CDH12: variants seen among roughly 807,000 people sequenced by gnomAD.
CDH12 encodes cadherin-12.
Under a neutral mutation model 74.1 loss-of-function variants are expected in CDH12, and 41 were observed. The observed-to-expected ratio is 0.55, with a 90% confidence interval of 0.43 to 0.72. The LOEUF (loss-of-function observed/expected upper bound fraction) is 0.72, where lower values mean the gene tolerates loss of function less well. Among genes scored for constraint, CDH12 ranks in the 30% least tolerant of loss-of-function variants. The probability of loss-of-function intolerance (pLI) is 0.00; values close to 1 mark genes in which losing one functional copy is unlikely to be tolerated. For synonymous variants in CDH12, 399 were observed against 355.0 expected, an observed-to-expected ratio of 1.12 and a Z score of -1.39; for missense variants, 945 against 977.2, an observed-to-expected ratio of 0.97 and a Z score of 0.44.
chr5:22,508,698 A>G (rs538980303), intron 1 of CDH12, among the ~76,000 whole-genome samples: 2 of 152,248 alleles, frequency 1.3e-5, no homozygotes, highest in South Asian at 2.1e-4. Context: ...GACAAACTCA[A>G]CTAATAGTCA....
At chr5:22,186,563 C>T (rs769340423) in intron 4 of CDH12, among the ~76,000 whole-genome samples, 4 of 152,120 alleles carry the variant, frequency 2.6e-5, no homozygotes, top group South Asian at 2.1e-4. Context: ...CTCTGCCTTC[C>T]GGGTTCAAGT....
At chr5:22,193,846 A>G (rs1750445984) in intron 4 of CDH12, among the ~76,000 whole-genome samples, 1 of 152,222 alleles carries the variant, frequency 6.6e-6, no homozygotes, top group Admixed American at 6.5e-5. Context: ...ATACTAGCTC[A>G]GTGATAGCCT....
chr5:22,069,160 C>G (rs182816927), intron 5 of CDH12, among the ~76,000 whole-genome samples: 1 of 152,158 alleles, frequency 6.6e-6, no homozygotes. Flanking sequence ...TTCCACACAG[C>G]ACTGCTTCTG....
Position 21,811,092 on chromosome 5 carries a change from A to G in CDH12, c.1002+5853T>C, listed in dbSNP as rs1176076390. 2.0e-5 allele frequency among the ~76,000 whole-genome samples: 3 copies of G among 152,104 alleles called. No homozygotes were observed. In the East Asian group the frequency reaches 5.8e-4, roughly 29 times the overall value. On this transcript the variant is annotated intron_variant, in intron 9 of 14. Coordinates refer to ENST00000382254, the MANE Select transcript of CDH12 (RefSeq NM_004061.5). Reference sequence around the variant, plus strand: ...TCATACGTTTTTAAGGAAAAAGAAAAATTCTGCTTTGGATTTAATGTGATC... The same window carrying G: ...TCATACGTTTTTAAGGAAAAAGAAAGATTCTGCTTTGGATTTAATGTGATC...
chr5:22,006,064 C>T (rs1310432968), intron 5 of CDH12, among the ~76,000 whole-genome samples: 2 of 152,202 alleles, frequency 1.3e-5, no homozygotes. Context: ...AGGCATCCCA[C>T]TGACCTGATT....
At chr5:22,410,130 G>A (rs1402778360) in intron 2 of CDH12, among the ~76,000 whole-genome samples, 2 of 152,108 alleles carry the variant, frequency 1.3e-5, no homozygotes, top group Middle Eastern at 3.4e-3. Context: ...ACCTCAAAAT[G>A]AAAGCCACAG....
chr5:22,780,795 T>A lies in CDH12; in HGVS notation c.-523+72263A>T, dbSNP rs370042003. ...GTTTCTCTCTTTTTTTTAAGTGTGATCTATAGACAAATATTTATTTATGAC... is the reference window on the plus strand; with the variant it reads ...GTTTCTCTCTTTTTTTTAAGTGTGAACTATAGACAAATATTTATTTATGAC... On this transcript the variant is annotated intron_variant, in intron 1 of 14. Coordinates refer to ENST00000382254, the MANE Select transcript of CDH12 (RefSeq NM_004061.5). 7.2e-4 allele frequency among the ~76,000 whole-genome samples: 110 copies of A among 152,272 alleles called. 4 individuals carry two copies. The South Asian group carries it at 0.022, about 30-fold the overall frequency.
At chr5:21,892,275 A>T (rs1247175102) in intron 6 of CDH12, among the ~76,000 whole-genome samples, 1 of 152,086 alleles carries the variant, frequency 6.6e-6, no homozygotes, top group East Asian at 1.9e-4. Context: ...AGTCATGTAG[A>T]TGTTCGGCAA....
At chr5:22,638,098 A>G (rs919742258) in intron 1 of CDH12, among the ~76,000 whole-genome samples, 1 of 152,366 alleles carries the variant, frequency 6.6e-6, no homozygotes, top group South Asian at 2.1e-4. Flanking sequence ...ACACTCATCT[A>G]GAAACTGAGA....
chr5:21,961,495 C>CA (rs542570517), intron 6 of CDH12, among the ~76,000 whole-genome samples: 11 of 151,606 alleles, frequency 7.3e-5, no homozygotes, highest in South Asian at 2.1e-4. Context: ...AATTGTCTGC[C>CA]AAAAAAAACA....
intron 1 of CDH12, among the ~76,000 whole-genome samples, chr5:22,687,120 C>A (rs371089641): frequency 6.6e-6 from 1 of 151,914 alleles, no homozygotes; most frequent in African/African-American, 2.4e-5. Flanking sequence ...ATGGTGAAAC[C>A]CCGTCTGTAC....
At chr5:22,244,796 G>GAAAGAAAGAAAGAA (rs1561251362) in intron 3 of CDH12, among the ~76,000 whole-genome samples, 1 of 108,718 alleles carries the variant, frequency 9.2e-6, no homozygotes, top group Non-Finnish European at 2.1e-5. Context: ...AAGAAAGAAA[G>GAAAGAAAGAAAGAA]AAAGAAAAAT....
At chr5:22,818,927 G>A (rs1749529304) in intron 1 of CDH12, among the ~76,000 whole-genome samples, 1 of 152,076 alleles carries the variant, frequency 6.6e-6, no homozygotes, top group Non-Finnish European at 1.5e-5. Flanking sequence ...TCTGTCAACT[G>A]GATGTAAATA....
At chr5:22,026,413 T>C (rs1276683732) in intron 5 of CDH12, among the ~76,000 whole-genome samples, 1 of 152,232 alleles carries the variant, frequency 6.6e-6, no homozygotes, top group East Asian at 1.9e-4. Flanking sequence ...CTGCTAACCC[T>C]TGGTTTCGTT....
intron 1 of CDH12, among the ~76,000 whole-genome samples, chr5:22,643,960 G>A (rs1240763188): frequency 6.6e-6 from 1 of 151,828 alleles, no homozygotes; most frequent in Non-Finnish European, 1.5e-5. Flanking sequence ...TGGTTTGGGG[G>A]TTGTATGAAC....
intron 1 of CDH12, among the ~76,000 whole-genome samples, chr5:22,650,650 GCCTGTTAACC>G (rs1475857896): frequency 6.6e-6 from 1 of 152,034 alleles, no homozygotes; most frequent in Admixed American, 6.6e-5. Flanking sequence ...GGTGGTTTGA[GCCTGTTAACC>G]CCTTTCATCT....
intron 1 of CDH12, among the ~76,000 whole-genome samples, chr5:22,805,518 TTGAGTA>T (rs1356252018): frequency 1.3e-5 from 2 of 152,224 alleles, no homozygotes; most frequent in African/African-American, 2.4e-5. Context: ...AAACCTGAGT[TTGAGTA>T]TATGTTTGCT....
intron 6 of CDH12, among the ~76,000 whole-genome samples, chr5:21,869,405 G>A (rs1366887420): frequency 6.6e-6 from 1 of 152,124 alleles, no homozygotes; most frequent in African/African-American, 2.4e-5. Flanking sequence ...AGAAGAAGAT[G>A]TTAATAAATG....
At chr5:22,451,765 A>G (rs534086824) in intron 2 of CDH12, among the ~76,000 whole-genome samples, 6 of 152,080 alleles carry the variant, frequency 3.9e-5, no homozygotes, top group Admixed American at 6.6e-5. Context: ...GAAAGGAGAA[A>G]GTAAAATTGT....
Sources: gnomAD v4.1 joint callset for allele counts (sites outside exome capture counted in the v4.1 genomes callset) on GRCh38, gnomAD v4.1.1 for gene constraint, MANE v1.5 for transcripts, NCBI Gene and HGNC (gene_info 2026-07-23, HGNC 2026-07-21) for gene names.